Variants in PLCXD2 observed in about 807,000 individuals in gnomAD.
PLCXD2 encodes PI-PLC X domain-containing protein 2.
In PLCXD2, 21 loss-of-function variants were observed where a neutral mutation model predicts 28.6. The observed-to-expected ratio is 0.73, with a 90% CI of 0.52 to 1.06. The LOEUF is 1.06. Ranked by LOEUF, PLCXD2 falls within the 50% of genes least tolerant of loss-of-function variation. PLCXD2 has a pLI of 0.00. For missense variants in PLCXD2, 369 were observed against 376.7 expected (o/e 0.98, Z 0.17); for synonymous variants, 140 against 150.1 (o/e 0.93, Z 0.49).
In PLCXD2 at chr3:111,684,191, A is replaced by G. The variant is rs192825215; in HGVS notation, c.163+8783A>G. ...CTAAAAATACAAAAATTAGCTGGGC[A>G]TGGTGGCATGCACCTGTAGTCCCAG... On this transcript the variant is annotated intron_variant, in intron 1 of 4. Coordinates refer to ENST00000477665, the MANE Select transcript of PLCXD2 (RefSeq NM_001185106.1). 3.5e-3 allele frequency among the ~76,000 whole-genome samples: 529 copies of G among 151,982 alleles called. 10 individuals are homozygous for G. Among genetic ancestry groups the G allele is most frequent in the Non-Finnish European group, 9.4e-4 (64 of 67,938 alleles).
At chr3:111,725,611 A>ATATCACAG in intron 3 of PLCXD2, 1 of 398,562 alleles carries the variant, frequency 2.5e-6, no homozygotes, top group Non-Finnish European at 4.4e-6. Flanking sequence ...TTTTCTCAAA[A>ATATCACAG]TATCACAGTC....
chr3:111,682,762 C>G (rs1940736368), intron 1 of PLCXD2, among the ~76,000 whole-genome samples: 1 of 152,194 alleles, frequency 6.6e-6, no homozygotes, highest in Non-Finnish European at 1.5e-5. Flanking sequence ...AAACAGCATT[C>G]TCGTCCACCC....
chr3:111,695,951 G>A (rs1940954647), intron 1 of PLCXD2, among the ~76,000 whole-genome samples: 1 of 152,212 alleles, frequency 6.6e-6, no homozygotes, highest in Admixed American at 6.5e-5. Flanking sequence ...CTGCAAATAA[G>A]AAGGGACTAC....
chr3:111,705,944 T>C (rs906584490), intron 1 of PLCXD2, among the ~76,000 whole-genome samples: 2 of 151,478 alleles, frequency 1.3e-5, no homozygotes, highest in Admixed American at 1.3e-4. Flanking sequence ...CAGCCTCAAC[T>C]TCCTGATCTC....
intron 1 of PLCXD2, among the ~76,000 whole-genome samples, chr3:111,692,184 G>A (rs1421159071): frequency 6.6e-6 from 1 of 152,168 alleles, no homozygotes; most frequent in Admixed American, 6.5e-5. Flanking sequence ...TGGGACTGCA[G>A]GCACCCACCA....
chr3:111,707,931 CAT>C lies in PLCXD2; in HGVS notation c.170_171del (p.His57ArgfsTer9). 6.2e-7 allele frequency: 1 copy of C among 1,612,972 alleles called. No homozygotes were observed. The highest frequency in any genetic ancestry group is 2.2e-5 in the East Asian group (1 of 44,872). ...ACCTGTATTCCTTTGTACAGGCTCA[CAT>C]GATTCATTCAGCTACTGGGTGGATG... On this transcript the variant is annotated frameshift_variant, in exon 2 of 5. Coordinates refer to ENST00000477665, the MANE Select transcript of PLCXD2 (RefSeq NM_001185106.1). LOFTEE classifies it high-confidence loss of function.
chr3:111,702,108 T>C (rs1941052471), intron 1 of PLCXD2, among the ~76,000 whole-genome samples: 1 of 151,986 alleles, frequency 6.6e-6, no homozygotes, highest in African/African-American at 2.4e-5. Context: ...TCTCTGAAGG[T>C]GGACAGAGGA....
At chr3:111,692,821 G>A (rs938650739) in intron 1 of PLCXD2, among the ~76,000 whole-genome samples, 7 of 152,112 alleles carry the variant, frequency 4.6e-5, no homozygotes, top group African/African-American at 1.7e-4. Context: ...ACTTTCAAAG[G>A]TTCCCTCCCC....
At chr3:111,713,183 C>T (rs995135294) in intron 2 of PLCXD2, among the ~76,000 whole-genome samples, 1 of 152,246 alleles carries the variant, frequency 6.6e-6, no homozygotes, top group East Asian at 1.9e-4. Flanking sequence ...GCTTGCTGCT[C>T]AGCCTAAGAG....
chr3:111,723,531 C>T (rs1576467027), intron 3 of PLCXD2: 1 of 152,238 alleles, frequency 6.6e-6, no homozygotes, highest in East Asian at 1.9e-4. Context: ...CTCACTCCTC[C>T]ATGCTGCTTG....
chr3:111,708,007 C>T lies in PLCXD2; in HGVS notation c.245C>T (p.Ala82Val), dbSNP rs1047499914. The stretch of plus-strand genomic sequence containing the variant: ...CAAACCCAAGCTATCAAACGCCTCG[C>T]CAGGATCTCCTTGGTGAAGAAGCTA... The change falls in exon 2 of 5, where the codon GCC becomes GTC. Residue 82 changes from alanine to valine, a missense_variant. By Grantham distance (64) the Ala-to-Val change is moderately conservative (BLOSUM62 0). Transcript: ENST00000477665. The T allele has an allele frequency of 1.2e-6, 2 of 1,614,060 alleles. No individual in the cohort carries two copies. The highest frequency in any genetic ancestry group is 2.7e-5 in the African/African-American group (2 of 74,912).
chr3:111,699,215 T>C (rs540479067), intron 1 of PLCXD2, among the ~76,000 whole-genome samples: 167 of 152,318 alleles, frequency 1.1e-3, no homozygotes, highest in African/African-American at 3.1e-3. Flanking sequence ...TTCACTTAAC[T>C]CTTGTCTCAA....
intron 2 of PLCXD2, among the ~76,000 whole-genome samples, chr3:111,710,987 C>T (rs924543833): frequency 6.6e-6 from 1 of 152,186 alleles, no homozygotes; most frequent in Non-Finnish European, 1.5e-5. Context: ...ACTACAAATA[C>T]TTCTAAAGTT....
At chr3:111,693,476 A>T (rs1190604858) in intron 1 of PLCXD2, among the ~76,000 whole-genome samples, 1 of 152,146 alleles carries the variant, frequency 6.6e-6, no homozygotes, top group Non-Finnish European at 1.5e-5. Flanking sequence ...TAATGAAAAG[A>T]TTTCCCTGCC....
chr3:111,700,739 T>G (rs1176957597), intron 1 of PLCXD2, among the ~76,000 whole-genome samples: 1 of 152,112 alleles, frequency 6.6e-6, no homozygotes, highest in Non-Finnish European at 1.5e-5. Flanking sequence ...CAGATAGTTA[T>G]AATTAATAAT....
rs78493137 is a variant in PLCXD2 at position 111,708,583 on chromosome 3, T to A, written c.624+197T>A. The stretch of plus-strand genomic sequence containing the variant: ...GCCAGGGCTAACACCTGCCAAATAC[T>A]TAAAGCTTGTCCAGCAAACTGTTTG... On this transcript the variant is annotated intron_variant, in intron 2 of 4. Coordinates refer to ENST00000477665, the MANE Select transcript of PLCXD2 (RefSeq NM_001185106.1). 5.3e-5 allele frequency among the ~76,000 whole-genome samples: 8 copies of A among 152,310 alleles called. No homozygotes were observed. The East Asian group carries it at 1.4e-3, about 26-fold the overall frequency.
At position 111,725,597 on chromosome 3, in the gene PLCXD2, T is replaced by C. The variant is rs1275272680; in HGVS notation, c.867-7022T>C. 19 of 398,442 alleles carry C rather than the reference T, an allele frequency of 4.8e-5. No homozygotes were observed. The East Asian group carries it at 6.1e-4, about 13-fold the overall frequency. 24.7% of individuals were successfully genotyped at this position (398,442 alleles called of 1,614,324 possible). ...CAGAAGAATACACCACAAAATGCGA[T>C]TGATTTTCTCAAAATATCACAGTCT... On this transcript the variant is annotated intron_variant, in intron 3 of 4. Transcript: ENST00000477665.
At chr3:111,718,328 G>A (rs1941298207) in intron 3 of PLCXD2, among the ~76,000 whole-genome samples, 1 of 152,070 alleles carries the variant, frequency 6.6e-6, no homozygotes, top group Non-Finnish European at 1.5e-5. Context: ...AGCTGGGCGT[G>A]GTGGCGGGCG....
At chr3:111,703,354 G>A (rs1354148728) in intron 1 of PLCXD2, among the ~76,000 whole-genome samples, 1 of 152,152 alleles carries the variant, frequency 6.6e-6, no homozygotes, top group Non-Finnish European at 1.5e-5. Flanking sequence ...GATGGGCTGG[G>A]TACCTTGTAT....
Sources: allele counts gnomAD v4.1 joint callset (sites outside exome capture counted in the v4.1 genomes callset), GRCh38; gene constraint gnomAD v4.1.1; transcripts MANE v1.5; gene names NCBI Gene and HGNC (gene_info 2026-07-23, HGNC 2026-07-21).